The following ASAP1 variants were observed in gnomAD, a reference collection of about 807,000 sequenced individuals.
ASAP1 encodes the protein arf-GAP with SH3 domain, ANK repeat and PH domain-containing protein 1.
Under a neutral mutation model 145.2 loss-of-function variants are expected in ASAP1, and 43 were observed. That is an observed-to-expected ratio of 0.30 (90% CI 0.23 to 0.38). ASAP1 has a LOEUF of 0.38. Among genes scored for constraint, ASAP1 ranks in the 10% least tolerant of loss-of-function variants. The pLI, the probability that ASAP1 is intolerant of heterozygous loss-of-function variation, is 1.00. For synonymous variants in ASAP1, 546 were observed against 515.5 expected, an observed-to-expected ratio of 1.06 and a Z score of -0.80; for missense variants, 1,018 against 1,355.3, an observed-to-expected ratio of 0.75 and a Z score of 3.91.
chr8:130,291,342 C>A (rs1405637313), intron 3 of ASAP1, among the ~76,000 whole-genome samples: 3 of 152,176 alleles, frequency 2.0e-5, no homozygotes, highest in Non-Finnish European at 2.9e-5. Flanking sequence ...TTCTGTAAGA[C>A]CTAGGCCAGA....
chr8:130,226,448 T>C (rs1817592547), intron 4 of ASAP1, among the ~76,000 whole-genome samples: 1 of 152,190 alleles, frequency 6.6e-6, no homozygotes, highest in Non-Finnish European at 1.5e-5. Context: ...TAGTCTATTG[T>C]TAAGATTAAA....
intron 2 of ASAP1, among the ~76,000 whole-genome samples, chr8:130,399,365 C>A (rs1215203362): frequency 6.6e-6 from 1 of 152,102 alleles, no homozygotes; most frequent in Non-Finnish European, 1.5e-5. Context: ...TAATAATGCA[C>A]TGAGTTATTG....
chr8:130,134,414 T>A, intron 14 of ASAP1, 70 bp from the exon 15 acceptor site: 1 of 992,502 alleles, frequency 1.0e-6, no homozygotes, highest in Non-Finnish European at 1.4e-6. Flanking sequence ...AACACAGATT[T>A]AAGTTCCTGG....
intron 3 of ASAP1, among the ~76,000 whole-genome samples, chr8:130,323,493 C>A (rs903380694): frequency 1.3e-5 from 2 of 152,192 alleles, no homozygotes; most frequent in African/African-American, 4.8e-5. Context: ...CAGATTTCCA[C>A]CTGCCAGTCC....
intron 15 of ASAP1, 49 bp from the exon 16 acceptor site, chr8:130,128,139 A>ATTTTTTTT (rs745416119): frequency 1.7e-5 from 3 of 179,488 alleles, no homozygotes; most frequent in Non-Finnish European, 1.4e-5. Context: ...GAGCATGGTC[A>ATTTTTTTT]TTTTTTTTTT....
chr8:130,169,920 G>A (rs546210247), intron 9 of ASAP1, among the ~76,000 whole-genome samples: 3 of 152,240 alleles, frequency 2.0e-5, no homozygotes, highest in Non-Finnish European at 4.4e-5. Flanking sequence ...TGTCTCAGGT[G>A]GCACACTTCC....
intron 15 of ASAP1, among the ~76,000 whole-genome samples, chr8:130,128,371 G>C (rs1434923449): frequency 6.6e-6 from 1 of 151,954 alleles, no homozygotes; most frequent in African/African-American, 2.4e-5. Context: ...CTGAGGACTT[G>C]AACGAATATA....
intron 3 of ASAP1, among the ~76,000 whole-genome samples, chr8:130,326,464 T>C (rs928353131): frequency 1.3e-5 from 2 of 152,164 alleles, no homozygotes; most frequent in African/African-American, 2.4e-5. Flanking sequence ...CCAAATAAAA[T>C]ACAGGTTTCA....
At chr8:130,094,003 A>G (rs1472462442) in intron 24 of ASAP1, among the ~76,000 whole-genome samples, 1 of 152,170 alleles carries the variant, frequency 6.6e-6, no homozygotes, top group Non-Finnish European at 1.5e-5. Flanking sequence ...TCTTTGTCCC[A>G]TTGCGTAATT....
At chr8:130,141,070 AAAATT>A (rs2097609735) in intron 13 of ASAP1, among the ~76,000 whole-genome samples, 1 of 152,242 alleles carries the variant, frequency 6.6e-6, no homozygotes. Flanking sequence ...TCAGCAGACT[AAAATT>A]AAAGTAAAAC....
chr8:130,287,166 C>T (rs1212388908), intron 3 of ASAP1, among the ~76,000 whole-genome samples: 3 of 138,088 alleles, frequency 2.2e-5, no homozygotes, highest in Non-Finnish European at 4.9e-5. Flanking sequence ...ACCAAGAGTT[C>T]AAGGACTGAA....
At chr8:130,242,958 A>C (rs1024712615) in intron 3 of ASAP1, among the ~76,000 whole-genome samples, 1 of 152,028 alleles carries the variant, frequency 6.6e-6, no homozygotes, top group Non-Finnish European at 1.5e-5. Flanking sequence ...CCTGGAACCA[A>C]TTTCTCTGAG....
intron 4 of ASAP1, among the ~76,000 whole-genome samples, chr8:130,218,353 T>C (rs1477052787): frequency 6.6e-6 from 1 of 152,154 alleles, no homozygotes; most frequent in Admixed American, 6.5e-5. Flanking sequence ...AAGTGAAAAA[T>C]ATAATTAGTT....
chr8:130,390,741 T>C (rs1166726412), intron 2 of ASAP1, among the ~76,000 whole-genome samples: 1 of 152,166 alleles, frequency 6.6e-6, no homozygotes, highest in Non-Finnish European at 1.5e-5. Context: ...TCATACCTAC[T>C]AGGATGGCTA....
At chr8:130,074,643 TGGGAG>T (rs1328411100) in intron 27 of ASAP1, among the ~76,000 whole-genome samples, 1 of 150,970 alleles carries the variant, frequency 6.6e-6, no homozygotes, top group African/African-American at 2.4e-5. Flanking sequence ...CCCGAGGGGG[TGGGAG>T]GGTACAAGGT....
intron 15 of ASAP1, among the ~76,000 whole-genome samples, chr8:130,130,266 A>C (rs1399463278): frequency 6.6e-6 from 1 of 152,194 alleles, no homozygotes; most frequent in Admixed American, 6.5e-5. Context: ...AGGAAACTGA[A>C]GTTATATGAC....
At chr8:130,410,182 G>A (rs1173804329) in intron 1 of ASAP1, among the ~76,000 whole-genome samples, 1 of 152,116 alleles carries the variant, frequency 6.6e-6, no homozygotes, top group South Asian at 2.1e-4. Context: ...AGGAAGTATT[G>A]GTTAGCAAAA....
At chr8:130,208,298 T>A (rs559337758) in intron 5 of ASAP1, among the ~76,000 whole-genome samples, 1 of 152,182 alleles carries the variant, frequency 6.6e-6, no homozygotes, top group Non-Finnish European at 1.5e-5. Flanking sequence ...TGTTTTGGTA[T>A]GTCTTTGTGT....
At chr8:130,186,079 C>T (rs1181593187) in intron 7 of ASAP1, among the ~76,000 whole-genome samples, 2 of 152,102 alleles carry the variant, frequency 1.3e-5, no homozygotes, top group African/African-American at 4.8e-5. Flanking sequence ...GTACTTAATT[C>T]TATTCCATTC....
Sources: allele counts gnomAD v4.1 joint callset (sites outside exome capture counted in the v4.1 genomes callset), GRCh38; gene constraint gnomAD v4.1.1; transcripts MANE v1.5; gene names NCBI Gene and HGNC (gene_info 2026-07-23, HGNC 2026-07-21).